CFAP96: variants seen among roughly 807,000 people sequenced by gnomAD.
CFAP96 encodes cilia-and flagella-associated protein 96.
At chr4:185,444,970 G>A in the CFAP96 span, 2 of 1,547,648 alleles carry the variant, frequency 1.3e-6, no homozygotes, top group African/African-American at 1.4e-5. Flanking sequence ...GCAGCCTGGT[G>A]GAATGAAGGC....
chr4:185,441,302 C>G, the CFAP96 span, among the ~76,000 whole-genome samples: 1 of 151,498 alleles, frequency 6.6e-6, no homozygotes, highest in African/African-American at 2.4e-5. Flanking sequence ...TTAGTCAATA[C>G]TTTTTTTTTC....
the CFAP96 span, chr4:185,440,561 C>T: frequency 8.5e-6 from 13 of 1,525,066 alleles, no homozygotes; most frequent in Non-Finnish European, 9.7e-6. Flanking sequence ...AGAGCACCAT[C>T]GTTTACTTAA....
the CFAP96 span, among the ~76,000 whole-genome samples, chr4:185,420,800 C>A: frequency 4.6e-5 from 7 of 152,070 alleles, no homozygotes; most frequent in Admixed American, 2.6e-4. Flanking sequence ...TGAGTGTTGA[C>A]AGAGTTTGAT....
chr4:185,411,870 G>A, the CFAP96 span, among the ~76,000 whole-genome samples: 19 of 152,106 alleles, frequency 1.2e-4, no homozygotes, highest in African/African-American at 4.3e-4. Context: ...CAGAGACTAC[G>A]TACAGAATGA....
chr4:185,430,228 A>G, the CFAP96 span, among the ~76,000 whole-genome samples: 1 of 152,220 alleles, frequency 6.6e-6, no homozygotes, highest in Non-Finnish European at 1.5e-5. Flanking sequence ...TAAATAATAA[A>G]AAGAGCTAAT....
At chr4:185,441,923 T>G in the CFAP96 span, among the ~76,000 whole-genome samples, 2 of 152,064 alleles carry the variant, frequency 1.3e-5, no homozygotes, top group African/African-American at 4.8e-5. Context: ...GTAGGTGAAT[T>G]ACACTTTAAT....
chr4:185,447,341 C>T, the CFAP96 span, among the ~76,000 whole-genome samples: 1 of 151,812 alleles, frequency 6.6e-6, no homozygotes, highest in Non-Finnish European at 1.5e-5. Flanking sequence ...GCCACCACGC[C>T]CGGCTAATTT....
At chr4:185,448,852 A>C in the CFAP96 span, among the ~76,000 whole-genome samples, 1 of 147,964 alleles carries the variant, frequency 6.8e-6, no homozygotes, top group South Asian at 2.1e-4. Flanking sequence ...AGAAAGTTCT[A>C]TGATGCTGTT....
chr4:185,436,712 AAATAATAATAAT>A, the CFAP96 span, among the ~76,000 whole-genome samples: 1 of 144,130 alleles, frequency 6.9e-6, no homozygotes, highest in Non-Finnish European at 1.5e-5. Flanking sequence ...TCCGTCTCAA[AAATAATAATAAT>A]AATAATAATA....
At chr4:185,443,342 ATTTTT>A in the CFAP96 span, among the ~76,000 whole-genome samples, 10 of 26,726 alleles carry the variant, frequency 3.7e-4, no homozygotes, top group Non-Finnish European at 7.4e-4. Context: ...ATATATATAT[ATTTTT>A]TTTTTTTTTT....
At chr4:185,425,737 A>C in the CFAP96 span, 1 of 1,383,510 alleles carries the variant, frequency 7.2e-7, no homozygotes, top group Non-Finnish European at 1.0e-6. Flanking sequence ...CGCCCTGCCC[A>C]CGCAGCTCGC....
At chr4:185,412,036 A>C in the CFAP96 span, among the ~76,000 whole-genome samples, 1 of 152,182 alleles carries the variant, frequency 6.6e-6, no homozygotes, top group Admixed American at 6.5e-5. Flanking sequence ...GAGGAGGCAG[A>C]GGAGTGGGTA....
chr4:185,439,981 ATG>A, the CFAP96 span, among the ~76,000 whole-genome samples: 1 of 133,646 alleles, frequency 7.5e-6, no homozygotes, highest in Admixed American at 8.1e-5. Flanking sequence ...ATATGTGTAT[ATG>A]TGAGATATAT....
chr4:185,436,716 A>AATAATAATAATAAT, the CFAP96 span, among the ~76,000 whole-genome samples: 1 of 129,522 alleles, frequency 7.7e-6, no homozygotes, highest in African/African-American at 3.4e-5. Context: ...TCTCAAAAAT[A>AATAATAATAATAAT]ATAATAATAA....
the CFAP96 span, chr4:185,444,902 C>G: frequency 6.9e-7 from 1 of 1,442,798 alleles, no homozygotes; most frequent in African/African-American, 1.4e-5. Context: ...AACTTCTTCA[C>G]AAGCTAATTT....
the CFAP96 span, chr4:185,429,271 G>T: frequency 1.9e-6 from 1 of 513,028 alleles, no homozygotes; most frequent in Non-Finnish European, 3.4e-6. Flanking sequence ...AATTAGAACT[G>T]GAAATTAGTA....
the CFAP96 span, among the ~76,000 whole-genome samples, chr4:185,436,692 A>G: frequency 1.4e-5 from 2 of 138,304 alleles, no homozygotes; most frequent in South Asian, 5.0e-4. Flanking sequence ...CCTCGGTGAC[A>G]GAACGAGACT....
chr4:185,425,103 G>A, the CFAP96 span, among the ~76,000 whole-genome samples: 1 of 152,224 alleles, frequency 6.6e-6, no homozygotes, highest in African/African-American at 2.4e-5. Context: ...ACAACAGACA[G>A]ACATTTAGAA....
the CFAP96 span, among the ~76,000 whole-genome samples, chr4:185,438,728 T>G: frequency 6.6e-6 from 1 of 152,206 alleles, no homozygotes; most frequent in African/African-American, 2.4e-5. Context: ...AGAAATGGTT[T>G]TTACCTTTTC....
Sources: gnomAD v4.1 joint callset for allele counts (sites outside exome capture counted in the v4.1 genomes callset) on GRCh38, gnomAD v4.1.1 for gene constraint, MANE v1.5 for transcripts, NCBI Gene and HGNC (gene_info 2026-07-23, HGNC 2026-07-21) for gene names.